Variants in FBXL5 observed in about 807,000 individuals in gnomAD.
The protein encoded by FBXL5 is F-box/LRR-repeat protein 5.
FBXL5 carries 26 observed loss-of-function variants against 78.3 expected under a neutral mutation model. The observed-to-expected ratio is 0.33, with a 90% CI of 0.24 to 0.46. FBXL5 has a LOEUF of 0.46. Among genes scored for constraint, FBXL5 ranks in the 20% least tolerant of loss-of-function variants. FBXL5 has a pLI of 1.00. For synonymous variants in FBXL5, 295 were observed against 282.5 expected, an observed-to-expected ratio of 1.04 and a Z score of -0.45; for missense variants, 710 against 829.2, an observed-to-expected ratio of 0.86 and a Z score of 1.77.
chr4:15,654,426 T>C (rs368178319), intron 1 of FBXL5, among the ~76,000 whole-genome samples: 14 of 152,314 alleles, frequency 9.2e-5, no homozygotes, highest in Middle Eastern at 3.4e-3. Context: ...GCACCAATTA[T>C]GGGCCCAAAA....
chr4:15,662,727 T>A (rs1717371094), upstream of FBXL5, among the ~76,000 whole-genome samples: 1 of 152,232 alleles, frequency 6.6e-6, no homozygotes, highest in Non-Finnish European at 1.5e-5. Flanking sequence ...CAATCCATTA[T>A]CTTTATGTAA....
upstream of FBXL5, among the ~76,000 whole-genome samples, chr4:15,658,433 A>G (rs1717126749): frequency 1.3e-5 from 2 of 152,236 alleles, no homozygotes; most frequent in African/African-American, 4.8e-5. Flanking sequence ...GGGGCCTTTA[A>G]GAGGTGATTG....
At chr4:15,673,105 G>A (rs986751168) in intron 1 of FBXL5, among the ~76,000 whole-genome samples, 12 of 151,970 alleles carry the variant, frequency 7.9e-5, no homozygotes, top group Admixed American at 3.3e-4. Context: ...GTTGTTTTAC[G>A]GTTAACTTTT....
intron 10 of FBXL5, among the ~76,000 whole-genome samples, chr4:15,608,203 A>G (rs1214065077): frequency 6.6e-6 from 1 of 152,170 alleles, no homozygotes; most frequent in Non-Finnish European, 1.5e-5. Flanking sequence ...AAAATATGCC[A>G]TATCTGGAAG....
In FBXL5 at chr4:15,605,918, G is replaced by A. The variant is rs529429048; in HGVS notation, c.2000-119C>T. On this transcript the variant is annotated intron_variant, in intron 10 of 10. Transcript: ENST00000341285. ...TACTAGCAGTACTTATATGATAGAA[G>A]TAAATCTCATGATAAGTGTATAAGA... 342 of 709,818 alleles carry A rather than the reference G, an allele frequency of 4.8e-4. 1 individual carries two copies. In the East Asian group the frequency reaches 8.7e-3, roughly 18 times the overall value. 44.0% of individuals were successfully genotyped at this position (709,818 alleles called of 1,614,324 possible).
chr4:15,625,602 A>G lies in FBXL5; in HGVS notation c.1500T>C (p.Asn500=), dbSNP rs752497750. Reference sequence around the variant, plus strand: ...TTTCCATTACACAAAGACTTTCAACATTTCTATGTCTCCATTCCACAGTAT... The same window carrying G: ...TTTCCATTACACAAAGACTTTCAACGTTTCTATGTCTCCATTCCACAGTAT... ...IEDTVEWRHR[N]VESLCVMETA... The change falls in exon 9 of 11, where the codon AAT becomes AAC. Residue 500 remains asparagine (N), a synonymous_variant. Transcript: ENST00000341285. 4 of 1,614,050 alleles carry G rather than the reference A, an allele frequency of 2.5e-6. No homozygotes were observed. The highest frequency in any genetic ancestry group is 1.3e-5 in the African/African-American group (1 of 74,938).
At chr4:15,606,493 C>A (rs1721895571) in intron 10 of FBXL5, among the ~76,000 whole-genome samples, 1 of 152,022 alleles carries the variant, frequency 6.6e-6, no homozygotes, top group Non-Finnish European at 1.5e-5. Context: ...GCACTAGATA[C>A]AAGACCCATT....
Position 15,655,318 on chromosome 4 carries a change from C to T in FBXL5, c.-31G>A. ...CTGCCTCAGCCTCCGCCTCAGCAGC[C>T]GCGGCCGCCGCCTCTCCATAGACAC... On this transcript the variant is annotated 5_prime_UTR_variant, in exon 1 of 11. Transcript: ENST00000341285. The T allele has an allele frequency of 7.4e-7, 1 of 1,359,918 alleles. No individual in the cohort carries two copies. Among genetic ancestry groups the T allele is most frequent in the Non-Finnish European group, 9.7e-7 (1 of 1,029,056 alleles). 84.2% of individuals were successfully genotyped at this position (1,359,918 alleles called of 1,614,324 possible). A position where few individuals can be genotyped will look rare whatever the true frequency, so the allele number is the denominator to read the frequency against.
chr4:15,664,614 A>G (rs1477900099), upstream of FBXL5, among the ~76,000 whole-genome samples: 1 of 133,816 alleles, frequency 7.5e-6, no homozygotes, highest in Admixed American at 8.7e-5. Flanking sequence ...CTGGAGTGCA[A>G]TGGTACGATC....
chr4:15,644,781 A>G, intron 1 of FBXL5, 73 bp from the exon 2 acceptor site: 1 of 1,072,664 alleles, frequency 9.3e-7, no homozygotes. Flanking sequence ...ATTCAAATAC[A>G]TCCCTATTCA....
At chr4:15,641,445 C>T (rs1017892384) in intron 2 of FBXL5, 10 of 356,786 alleles carry the variant, frequency 2.8e-5, no homozygotes. Context: ...TTATGATGAT[C>T]CACTTCCACT....
intron 1 of FBXL5, among the ~76,000 whole-genome samples, chr4:15,679,957 G>A (rs1023783905): frequency 6.6e-6 from 1 of 152,156 alleles, no homozygotes; most frequent in African/African-American, 2.4e-5. Context: ...CTGAAGAGTT[G>A]TTTCTAATAT....
upstream of FBXL5, chr4:15,655,383 G>C (rs1410260028): frequency 9.4e-7 from 1 of 1,062,100 alleles, no homozygotes; most frequent in Non-Finnish European, 1.1e-6. Context: ...CCTTGCGCAT[G>C]CGCCCGCCCC....
intron 5 of FBXL5, among the ~76,000 whole-genome samples, 176 bp from the exon 6 acceptor site, chr4:15,630,967 G>C (rs1380988240): frequency 1.3e-5 from 2 of 152,098 alleles, no homozygotes; most frequent in African/African-American, 4.8e-5. Flanking sequence ...TGCACAACGT[G>C]CAAGTTTGTT....
At chr4:15,658,600 G>C (rs1229053467), upstream of FBXL5, among the ~76,000 whole-genome samples, 1 of 152,078 alleles carries the variant, frequency 6.6e-6, no homozygotes, top group Non-Finnish European at 1.5e-5. Flanking sequence ...GCACTGCCTT[G>C]GGACTCTGCA....
chr4:15,655,531 T>A, upstream of FBXL5: 1 of 269,516 alleles, frequency 3.7e-6, no homozygotes, highest in Non-Finnish European at 5.7e-6. Context: ...ACTCTTTTCG[T>A]TTTTTGTCGT....
upstream of FBXL5, among the ~76,000 whole-genome samples, chr4:15,662,088 C>T (rs920609084): frequency 1.3e-5 from 2 of 151,286 alleles, no homozygotes; most frequent in African/African-American, 4.8e-5. Flanking sequence ...AAGAGACATC[C>T]CATCACTCAT....
intron 6 of FBXL5, 143 bp from the exon 7 acceptor site, chr4:15,628,176 A>G: frequency 1.2e-6 from 1 of 840,844 alleles, no homozygotes; most frequent in Non-Finnish European, 1.8e-6. Context: ...TTAGGCAATG[A>G]AAAGGTTTTG....
intron 9 of FBXL5, among the ~76,000 whole-genome samples, chr4:15,616,864 C>T (rs138457223): frequency 2.6e-5 from 4 of 152,212 alleles, no homozygotes; most frequent in African/African-American, 9.6e-5. Context: ...CAGAGGCAGA[C>T]ATTTCCCTGT....
Sources: allele counts gnomAD v4.1 joint callset (sites outside exome capture counted in the v4.1 genomes callset), GRCh38; gene constraint gnomAD v4.1.1; transcripts MANE v1.5; gene names NCBI Gene and HGNC (gene_info 2026-07-23, HGNC 2026-07-21).